The following ADAM7 variants were observed in gnomAD, a reference collection of about 807,000 sequenced individuals.
ADAM7 encodes the protein disintegrin and metalloproteinase domain-containing protein 7.
Under a neutral mutation model 102.9 loss-of-function variants are expected in ADAM7, and 97 were observed. The ratio of observed to expected loss-of-function variants is 0.94; its 90% CI spans 0.80 to 1.12. The LOEUF is 1.12. Ranked by LOEUF, ADAM7 falls within the 50% of genes most tolerant of loss-of-function variation. The probability of loss-of-function intolerance (pLI) is 0.00; values close to 1 mark genes in which losing one functional copy is unlikely to be tolerated. For synonymous variants in ADAM7, 334 were observed against 304.4 expected, an observed-to-expected ratio of 1.10 and a Z score of -1.01; for missense variants, 991 against 908.7, an observed-to-expected ratio of 1.09 and a Z score of -1.16.
intron 3 of ADAM7, among the ~76,000 whole-genome samples, chr8:24,450,072 G>C (rs1476707204): frequency 2.0e-5 from 3 of 152,168 alleles, no homozygotes; most frequent in African/African-American, 7.2e-5. Flanking sequence ...GTAGTTTGAA[G>C]TCAGGTAGCA....
intron 7 of ADAM7, among the ~76,000 whole-genome samples, chr8:24,470,463 G>T (rs1004776030): frequency 3.8e-4 from 58 of 151,648 alleles, no homozygotes; most frequent in African/African-American, 1.4e-3. Flanking sequence ...GAAATAGGTG[G>T]ATTTGAAAAT....
At chr8:24,497,550 T>C (rs1266454266) in intron 16 of ADAM7, among the ~76,000 whole-genome samples, 4 of 152,110 alleles carry the variant, frequency 2.6e-5, no homozygotes, top group Non-Finnish European at 5.9e-5. Flanking sequence ...AAAGGAATGT[T>C]AAAACTCAAA....
At chr8:24,500,933 T>C in intron 19 of ADAM7, 38 bp downstream of exon 19, 3 of 1,511,794 alleles carry the variant, frequency 2.0e-6, no homozygotes, top group Non-Finnish European at 2.8e-6. Flanking sequence ...AGAAGGGAAT[T>C]GTTACTGAGA....
intron 20 of ADAM7, among the ~76,000 whole-genome samples, chr8:24,506,753 GCACACACA>G (rs71549838): frequency 4.6e-4 from 67 of 144,290 alleles, no homozygotes; most frequent in African/African-American, 1.2e-3. Flanking sequence ...CTGAGTCAAA[GCACACACA>G]CACACACACA....
At chr8:24,447,094 G>A in intron 2 of ADAM7, 92 bp from the exon 3 acceptor site, 2 of 580,266 alleles carry the variant, frequency 3.4e-6, no homozygotes, top group Non-Finnish European at 5.9e-6. Flanking sequence ...TGGGTGGATT[G>A]GAGATAGGGA....
In ADAM7 at chr8:24,444,680, G is replaced by A. The variant is rs142118562; in HGVS notation, c.156+2104G>A. 4.6e-3 allele frequency among the ~76,000 whole-genome samples: 689 copies of A among 151,072 alleles called. 4 individuals are homozygous for A. Among genetic ancestry groups the A allele is most frequent in the African/African-American group, 0.015 (598 of 41,200 alleles). On this transcript the variant is annotated intron_variant, in intron 2 of 21. Transcript: ENST00000175238. ...GATACTCCCCATAAAGGTCCAGATC[G>A]TAAAAAAAAAAACACAAAAAAACGA...
At chr8:24,459,727 C>G (rs1819172348) in intron 3 of ADAM7, among the ~76,000 whole-genome samples, 1 of 152,118 alleles carries the variant, frequency 6.6e-6, no homozygotes, top group Non-Finnish European at 1.5e-5. Flanking sequence ...CCCAAAGTGT[C>G]AGGATTACAA....
rs141752817 is a variant in ADAM7 at position 24,486,773 on chromosome 8, A to G, written c.961-414A>G. Among the ~76,000 whole-genome samples, 1,333 of 152,246 alleles carry G rather than the reference A, an allele frequency of 8.8e-3. 19 individuals carry two copies. The highest frequency in any genetic ancestry group is 0.031 in the African/African-American group (1,279 of 41,552). On this transcript the variant is annotated intron_variant, in intron 10 of 21. Coordinates refer to ENST00000175238, the MANE Select transcript of ADAM7 (RefSeq NM_003817.4). ...TCCCACTTATGAGGGCTCTGCCCCCATGACTTACTCACCTTCCAAAGACTT... is the reference window on the plus strand; with the variant it reads ...TCCCACTTATGAGGGCTCTGCCCCCGTGACTTACTCACCTTCCAAAGACTT...
intron 14 of ADAM7, 144 bp from the exon 15 acceptor site, chr8:24,492,351 T>C (rs1024302912): frequency 7.1e-6 from 5 of 704,650 alleles, no homozygotes; most frequent in Middle Eastern, 4.0e-4. Context: ...CCTGAGGCAA[T>C]AGGATAGTTT....
At chr8:24,460,163 C>T (rs1448433870) in intron 3 of ADAM7, among the ~76,000 whole-genome samples, 1 of 151,910 alleles carries the variant, frequency 6.6e-6, no homozygotes, top group Admixed American at 6.6e-5. Flanking sequence ...CTATTCCAGC[C>T]TTATGTTTAC....
chr8:24,506,203 A>G, intron 20 of ADAM7: 1 of 1,384,692 alleles, frequency 7.2e-7, no homozygotes, highest in Non-Finnish European at 9.9e-7. Context: ...TGTCCTTTCC[A>G]ATAATAATTT....
At chr8:24,493,619 C>T (rs1006786558) in intron 16 of ADAM7, among the ~76,000 whole-genome samples, 5 of 152,116 alleles carry the variant, frequency 3.3e-5, no homozygotes, top group Admixed American at 2.6e-4. Flanking sequence ...TAAAGGTAAG[C>T]ATACATGAGA....
At chr8:24,500,660 T>C (rs1820727778) in intron 18 of ADAM7, 130 bp from the exon 19 acceptor site, 2 of 690,862 alleles carry the variant, frequency 2.9e-6, no homozygotes, top group South Asian at 2.4e-5. Context: ...ATAAAAATAA[T>C]TGAGAGGAAA....
intron 7 of ADAM7, among the ~76,000 whole-genome samples, chr8:24,471,603 G>C (rs1819606878): frequency 6.6e-6 from 1 of 151,968 alleles, no homozygotes; most frequent in African/African-American, 2.4e-5. Context: ...GGAACAATAG[G>C]CTATACCATA....
intron 10 of ADAM7, 133 bp downstream of exon 10, chr8:24,485,494 T>A (rs1820110914): frequency 1.6e-6 from 1 of 644,490 alleles, no homozygotes; most frequent in Non-Finnish European, 2.5e-6. Flanking sequence ...AACAGACTGT[T>A]ATGCTTCCTT....
At chr8:24,501,423 AACCTGAATAGCCCTATATCT>A in intron 19 of ADAM7, 34 bp from the exon 20 acceptor site, 5 of 1,310,312 alleles carry the variant, frequency 3.8e-6, no homozygotes, top group Non-Finnish European at 5.3e-6. Context: ...AGAAATAAAT[AACCTGAATAGCCCTATATCT>A]AATAAATTAG....
At chr8:24,492,434 C>A (rs1321614456) in intron 14 of ADAM7, 61 bp from the exon 15 acceptor site, 6 of 1,209,184 alleles carry the variant, frequency 5.0e-6, no homozygotes, top group African/African-American at 1.6e-5. Flanking sequence ...AAAATAAGGT[C>A]TTTTATGATT....
At position 24,450,024 on chromosome 8, in the gene ADAM7, TGA is replaced by T. The variant is rs1563372932; in HGVS notation, c.233+2764_233+2765del. Among the ~76,000 whole-genome samples, 2 of 151,938 alleles carry T rather than the reference TGA, an allele frequency of 1.3e-5. 1 individual carries two copies. Among genetic ancestry groups the T allele is most frequent in the East Asian group, 3.9e-4 (2 of 5,122 alleles). On this transcript the variant is annotated intron_variant, in intron 3 of 21. Transcript: ENST00000175238. ...ATTGATCTATATCTCTGTTTTGGTATGAGTACCATGCTGTTTTGGTTACTGTA... is the reference window on the plus strand; with the variant it reads ...ATTGATCTATATCTCTGTTTTGGTATGTACCATGCTGTTTTGGTTACTGTA...
chr8:24,468,494 C>T (rs913803859), intron 6 of ADAM7, among the ~76,000 whole-genome samples: 1 of 148,992 alleles, frequency 6.7e-6, no homozygotes, highest in Non-Finnish European at 1.5e-5. Flanking sequence ...ACATGTACCT[C>T]GGAAATTAAA....
Sources: gnomAD v4.1 joint callset for allele counts (sites outside exome capture counted in the v4.1 genomes callset) on GRCh38, gnomAD v4.1.1 for gene constraint, MANE v1.5 for transcripts, NCBI Gene and HGNC (gene_info 2026-07-23, HGNC 2026-07-21) for gene names.